The following FAM135A variants were observed in gnomAD, a reference collection of about 807,000 sequenced individuals.
The protein encoded by FAM135A is protein FAM135A.
FAM135A carries 79 observed loss-of-function variants against 146.8 expected under a neutral mutation model. That is an observed-to-expected ratio of 0.54 (90% CI 0.45 to 0.65). FAM135A has a LOEUF of 0.65. Ranked by LOEUF, FAM135A falls within the 30% of genes least tolerant of loss-of-function variation. The probability of loss-of-function intolerance (pLI) is 0.00; values close to 1 mark genes in which losing one functional copy is unlikely to be tolerated. For missense variants in FAM135A, 1,623 were observed against 1,758.2 expected, an observed-to-expected ratio of 0.92 and a Z score of 1.38; for synonymous variants, 562 against 603.6, an observed-to-expected ratio of 0.93 and a Z score of 1.01.
chr6:70,526,566 A>G lies in FAM135A; in HGVS notation c.3482A>G (p.Glu1161Gly). 1 of 1,613,676 alleles carries G rather than the reference A, an allele frequency of 6.2e-7. No individual in the cohort carries two copies. The highest frequency in any genetic ancestry group is 1.1e-5 in the South Asian group (1 of 91,066). Residue 1161 changes from glutamate to glycine, a missense_variant, in exon 15 of 22, where the codon GAG (glutamate) becomes GGG (glycine). Glu to Gly is a moderately conservative substitution (Grantham distance 98, BLOSUM62 -2). Around this residue, in one of 7 missense-constraint regions of FAM135A, gnomAD observed 1,061 missense variants for 1,113.8 expected, o/e 0.95. Coordinates refer to ENST00000418814, the MANE Select transcript of FAM135A (RefSeq NM_001162529.3). ...GCLSFPSAPR[E>G]SPCNVKYSSK... ...TTGTCCTTCCCGTCTGCACCACGAG[A>G]GTCTCCTTGTAATGTTAAATATTCT...
intron 10 of FAM135A, among the ~76,000 whole-genome samples, chr6:70,486,491 T>A (rs1310953962): frequency 6.6e-6 from 1 of 152,244 alleles, no homozygotes; most frequent in East Asian, 1.9e-4. Context: ...ACTGGCTTTT[T>A]TCATATGTTT....
At chr6:70,462,950 T>C (rs1779694010) in intron 5 of FAM135A, among the ~76,000 whole-genome samples, 1 of 152,212 alleles carries the variant, frequency 6.6e-6, no homozygotes, top group Non-Finnish European at 1.5e-5. Flanking sequence ...CTCTATTAGT[T>C]GTCTCCTTAA....
At chr6:70,446,974 T>C (rs1775892383) in intron 4 of FAM135A, among the ~76,000 whole-genome samples, 1 of 152,274 alleles carries the variant, frequency 6.6e-6, no homozygotes, top group Admixed American at 6.5e-5. Flanking sequence ...ACAGAAGTTA[T>C]AATTGGTTGA....
chr6:70,443,594 T>C (rs896149525), intron 4 of FAM135A, among the ~76,000 whole-genome samples: 4 of 152,272 alleles, frequency 2.6e-5, no homozygotes, highest in Non-Finnish European at 5.9e-5. Flanking sequence ...CTATATTTTG[T>C]TAGATTGTTG....
intron 20 of FAM135A, among the ~76,000 whole-genome samples, chr6:70,540,481 C>T (rs1797713068): frequency 2.0e-5 from 3 of 151,916 alleles, no homozygotes; most frequent in South Asian, 2.1e-4. Context: ...CCCGCCACCA[C>T]GCCCAGCTAA....
Position 70,526,189 on chromosome 6 carries a change from G to A in FAM135A, c.3105G>A (p.Lys1035=), listed in dbSNP as rs760705086. The A allele has an allele frequency of 3.1e-6, 5 of 1,613,392 alleles. No homozygotes were observed. The South Asian group carries it at 3.3e-5, about 11-fold the overall frequency. Residue 1035 remains lysine (K), a synonymous_variant, in exon 15 of 22, where the codon AAG becomes AAA. Transcript: ENST00000418814. ...TTTCAGCCAGTACTGATATAGTAAA[G>A]CAAGGGCTTGTGGAAAATTATTTTG... ...DPFSASTDIV[K]QGLVENYFGS...
intron 2 of FAM135A, among the ~76,000 whole-genome samples, chr6:70,422,657 A>G (rs1358286316): frequency 2.0e-5 from 3 of 152,226 alleles, no homozygotes; most frequent in Admixed American, 6.5e-5. Flanking sequence ...TTTATCACCA[A>G]AATTTGTTCA....
chr6:70,417,521 G>T, intron 2 of FAM135A: 1 of 803,214 alleles, frequency 1.2e-6, no homozygotes, highest in Non-Finnish European at 1.5e-6. Flanking sequence ...CTGTAGTCTG[G>T]GACATTTCTG....
intron 4 of FAM135A, among the ~76,000 whole-genome samples, chr6:70,451,757 T>C (rs1582208424): frequency 6.6e-6 from 1 of 152,160 alleles, no homozygotes; most frequent in Non-Finnish European, 1.5e-5. Flanking sequence ...AATATTCACC[T>C]CCTCAGTATA....
chr6:70,472,157 T>C (rs1260071179), intron 5 of FAM135A, among the ~76,000 whole-genome samples: 1 of 152,152 alleles, frequency 6.6e-6, no homozygotes, highest in African/African-American at 2.4e-5. Flanking sequence ...GTAGAAGTTA[T>C]ATGGAAGTAT....
intron 4 of FAM135A, among the ~76,000 whole-genome samples, chr6:70,429,402 A>G (rs1415535270): frequency 6.6e-6 from 1 of 152,018 alleles, no homozygotes; most frequent in Non-Finnish European, 1.5e-5. Flanking sequence ...AATCCCAGCT[A>G]CTTAGGAGTC....
chr6:70,498,414 T>C (rs765820434), intron 11 of FAM135A, among the ~76,000 whole-genome samples: 21 of 152,222 alleles, frequency 1.4e-4, no homozygotes, highest in Non-Finnish European at 2.9e-4. Context: ...GTTAATCTTT[T>C]CAAAAAAACC....
intron 10 of FAM135A, among the ~76,000 whole-genome samples, chr6:70,488,447 A>T (rs1785150636): frequency 7.4e-6 from 1 of 135,480 alleles, no homozygotes; most frequent in Non-Finnish European, 1.6e-5. Context: ...GTAACCTTGG[A>T]TTAGTAATAA....
chr6:70,455,945 G>A (rs1348250253), intron 5 of FAM135A, among the ~76,000 whole-genome samples: 3 of 151,986 alleles, frequency 2.0e-5, no homozygotes, highest in South Asian at 2.1e-4. Flanking sequence ...TCCGCCTGCC[G>A]GGTTCAAGCA....
intron 10 of FAM135A, among the ~76,000 whole-genome samples, chr6:70,484,948 T>C (rs1277389724): frequency 6.6e-6 from 1 of 152,252 alleles, no homozygotes; most frequent in Admixed American, 6.5e-5. Flanking sequence ...TTTGGGCTTA[T>C]AGATGTAATA....
rs1561971818 is a variant in FAM135A, at chr6:70,525,107, A to G, written c.2023A>G (p.Lys675Glu). 9.6e-6 allele frequency: 15 copies of G among 1,563,562 alleles called. No homozygotes were observed. Among genetic ancestry groups the G allele is most frequent in the Non-Finnish European group, 1.2e-5 (14 of 1,161,202 alleles). ...DPFSGENITV[K>E]LGPWTELRQE... ...TTTCAGTGGAGAGAATATAACTGTC[A>G]AACTAGGACCTTGGACAGAGCTTCG... is the stretch of plus-strand genomic sequence containing the variant. Residue 675 changes from lysine to glutamate, a missense_variant, in exon 15 of 22, where the codon AAA becomes GAA. By Grantham distance (56) the Lys-to-Glu change is moderately conservative. Coordinates refer to ENST00000418814, the MANE Select transcript of FAM135A (RefSeq NM_001162529.3).
At chr6:70,418,903 A>G (rs998455456) in intron 2 of FAM135A, among the ~76,000 whole-genome samples, 3 of 152,174 alleles carry the variant, frequency 2.0e-5, no homozygotes, top group African/African-American at 4.8e-5. Context: ...TTACTGCTGT[A>G]TGGTCTGACT....
chr6:70,476,032 C>T (rs1782577574), intron 7 of FAM135A, among the ~76,000 whole-genome samples: 1 of 152,196 alleles, frequency 6.6e-6, no homozygotes, highest in South Asian at 2.1e-4. Context: ...TGTAAATGAG[C>T]TCTTTTCCAC....
intron 5 of FAM135A, among the ~76,000 whole-genome samples, chr6:70,471,807 G>C (rs1280398502): frequency 1.3e-5 from 2 of 152,162 alleles, no homozygotes; most frequent in Non-Finnish European, 1.5e-5. Flanking sequence ...ATGATCACAG[G>C]AGTGAGGAGC....
Sources: allele counts gnomAD v4.1 joint callset (sites outside exome capture counted in the v4.1 genomes callset), GRCh38; gene constraint gnomAD v4.1.1; regional missense constraint gnomAD v4.1.1; transcripts MANE v1.5; gene names NCBI Gene and HGNC (gene_info 2026-07-23, HGNC 2026-07-21).